The following ENPP6 variants were observed in gnomAD, a reference collection of about 807,000 sequenced individuals.
The protein encoded by ENPP6 is ectonucleotide pyrophosphatase/phosphodiesterase 6, also known as glycerophosphocholine cholinephosphodiesterase ENPP6.
ENPP6 carries 32 observed loss-of-function variants against 42.0 expected under a neutral mutation model. The observed-to-expected ratio is 0.76, with a 90% CI of 0.58 to 1.02. The LOEUF is 1.02. Among genes scored for constraint, ENPP6 ranks in the 50% least tolerant of loss-of-function variants. ENPP6 has a pLI of 0.00. For synonymous variants in ENPP6, 213 were observed against 216.0 expected (o/e 0.99, Z 0.12); for missense variants, 552 against 566.8 (o/e 0.97, Z 0.27).
intron 1 of ENPP6, among the ~76,000 whole-genome samples, chr4:184,195,423 C>A (rs1732779958): frequency 6.6e-6 from 1 of 152,162 alleles, no homozygotes; most frequent in African/African-American, 2.4e-5. Context: ...GAATAATGGT[C>A]TCCAGCTTCA....
intron 6 of ENPP6, among the ~76,000 whole-genome samples, chr4:184,101,133 A>G (rs1453928232): frequency 1.3e-5 from 2 of 151,830 alleles, no homozygotes; most frequent in African/African-American, 4.9e-5. Context: ...ACATGCATGT[A>G]AACACATGTG....
intron 1 of ENPP6, among the ~76,000 whole-genome samples, chr4:184,176,613 T>G (rs749142721): frequency 1.3e-4 from 20 of 152,130 alleles, no homozygotes; most frequent in Non-Finnish European, 2.2e-4. Flanking sequence ...AAACACCAAC[T>G]GAACGGGGCC....
intron 1 of ENPP6, among the ~76,000 whole-genome samples, chr4:184,170,569 G>A (rs1167431062): frequency 6.6e-6 from 1 of 152,136 alleles, no homozygotes; most frequent in East Asian, 1.9e-4. Context: ...ATTTATGGAG[G>A]GAACTGGGTC....
chr4:184,110,235 T>A (rs1186587770), intron 6 of ENPP6, among the ~76,000 whole-genome samples: 1 of 152,178 alleles, frequency 6.6e-6, no homozygotes, highest in Admixed American at 6.5e-5. Context: ...TCTGTTTCAC[T>A]TTTGTCCTGT....
chr4:184,214,904 C>G (rs186691133), intron 1 of ENPP6, among the ~76,000 whole-genome samples: 8 of 152,082 alleles, frequency 5.3e-5, no homozygotes, highest in Non-Finnish European at 1.0e-4. Flanking sequence ...ATCTAGATGA[C>G]GAGTTGACAG....
intron 6 of ENPP6, among the ~76,000 whole-genome samples, chr4:184,108,818 G>A (rs1231324413): frequency 2.0e-4 from 30 of 152,358 alleles, no homozygotes; most frequent in East Asian, 1.9e-4. Context: ...GGTGCTGTAA[G>A]TTATGTTAAT....
At position 184,125,547 on chromosome 4, in the gene ENPP6, C is replaced by T. The variant is rs188333635; in HGVS notation, c.422-1275G>A. On this transcript the variant is annotated intron_variant, in intron 2 of 7. Transcript: ENST00000296741. Reference sequence around the variant, plus strand: ...TGTCAGGAAGCACATCAACCCCACCCCTGGGTACATCTGCCAGCTGGTTAC... The same window carrying T: ...TGTCAGGAAGCACATCAACCCCACCTCTGGGTACATCTGCCAGCTGGTTAC... Among the ~76,000 whole-genome samples the T allele has an allele frequency of 8.7e-3, 1,324 of 152,200 alleles. 11 individuals carry two copies. The highest frequency in any genetic ancestry group is 0.041 in the South Asian group (196 of 4,808).
intron 1 of ENPP6, among the ~76,000 whole-genome samples, chr4:184,208,638 T>C (rs930294075): frequency 1.3e-5 from 2 of 149,338 alleles, no homozygotes; most frequent in African/African-American, 4.9e-5. Context: ...GAGATCAAAC[T>C]GCAAGGCGGC....
chr4:184,138,043 A>C (rs192173164), intron 2 of ENPP6, among the ~76,000 whole-genome samples: 4 of 152,368 alleles, frequency 2.6e-5, no homozygotes, highest in Admixed American at 2.6e-4. Flanking sequence ...ATTTCAATAA[A>C]TAATTTTTAA....
At chr4:184,171,487 T>C (rs184955362) in intron 1 of ENPP6, among the ~76,000 whole-genome samples, 1 of 152,228 alleles carries the variant, frequency 6.6e-6, no homozygotes, top group East Asian at 1.9e-4. Flanking sequence ...GGAATGTCAA[T>C]GTCACAATAT....
At chr4:184,208,935 C>T (rs1460239718) in intron 1 of ENPP6, among the ~76,000 whole-genome samples, 7 of 143,720 alleles carry the variant, frequency 4.9e-5, no homozygotes, top group Non-Finnish European at 9.2e-5. Context: ...ACCCCTGACC[C>T]CCGAGCAGCC....
chr4:184,192,704 T>C (rs1391578518), intron 1 of ENPP6, among the ~76,000 whole-genome samples: 1 of 152,148 alleles, frequency 6.6e-6, no homozygotes, highest in Non-Finnish European at 1.5e-5. Flanking sequence ...ATATATCCCA[T>C]AAGGAATTTA....
intron 2 of ENPP6, among the ~76,000 whole-genome samples, chr4:184,134,993 T>C (rs1736709500): frequency 6.6e-6 from 1 of 152,036 alleles, no homozygotes; most frequent in South Asian, 2.1e-4. Context: ...CTGGTTATTT[T>C]CCAAATGTAT....
chr4:184,096,861 A>G (rs1483526501), intron 7 of ENPP6, among the ~76,000 whole-genome samples: 1 of 152,158 alleles, frequency 6.6e-6, no homozygotes, highest in Non-Finnish European at 1.5e-5. Flanking sequence ...AGACCCCGAG[A>G]AGCGATCGCA....
chr4:184,153,005 G>A (rs1373659850), intron 2 of ENPP6, among the ~76,000 whole-genome samples: 1 of 150,320 alleles, frequency 6.7e-6, no homozygotes, highest in Non-Finnish European at 1.5e-5. Flanking sequence ...ATGAAAAAAA[G>A]CAAGCTATCC....
chr4:184,139,629 G>A (rs1302474787), intron 2 of ENPP6, among the ~76,000 whole-genome samples: 2 of 115,666 alleles, frequency 1.7e-5, no homozygotes, highest in African/African-American at 3.3e-5. Flanking sequence ...TTGTTCTTGC[G>A]ATAGTTTACT....
chr4:184,176,116 A>G (rs1000080694), intron 1 of ENPP6, among the ~76,000 whole-genome samples: 1 of 152,092 alleles, frequency 6.6e-6, no homozygotes, highest in Non-Finnish European at 1.5e-5. Context: ...GCTGTGTGTC[A>G]TTATTATTGC....
At chr4:184,217,255 T>G (rs1579673167) in intron 1 of ENPP6, among the ~76,000 whole-genome samples, 1 of 152,212 alleles carries the variant, frequency 6.6e-6, no homozygotes, top group East Asian at 1.9e-4. Flanking sequence ...GACTTGAACT[T>G]AGAAAATATG....
At chr4:184,104,212 G>A (rs1294089959) in intron 6 of ENPP6, among the ~76,000 whole-genome samples, 5 of 152,118 alleles carry the variant, frequency 3.3e-5, no homozygotes, top group Non-Finnish European at 7.4e-5. Context: ...CCGAAGCCAC[G>A]TTTTCCAGAT....
Sources: allele counts gnomAD v4.1 joint callset (sites outside exome capture counted in the v4.1 genomes callset), GRCh38; gene constraint gnomAD v4.1.1; transcripts MANE v1.5; gene names NCBI Gene and HGNC (gene_info 2026-07-23, HGNC 2026-07-21).